METTL24: variants seen among roughly 807,000 people sequenced by gnomAD.
METTL24 encodes methyltransferase like 24.
Under a neutral mutation model 32.7 loss-of-function variants are expected in METTL24, and 29 were observed. The ratio of observed to expected loss-of-function variants is 0.89; its 90% CI spans 0.66 to 1.21. The LOEUF is 1.21. Among genes scored for constraint, METTL24 ranks in the 50% most tolerant of loss-of-function variants. The probability of loss-of-function intolerance (pLI) is 0.00; values close to 1 mark genes in which losing one functional copy is unlikely to be tolerated. For missense variants in METTL24, 439 were observed against 468.1 expected, an observed-to-expected ratio of 0.94 and a Z score of 0.57; for synonymous variants, 163 against 179.5, an observed-to-expected ratio of 0.91 and a Z score of 0.73.
intron 3 of METTL24, among the ~76,000 whole-genome samples, chr6:110,300,582 G>A (rs6932150): frequency 0.019 from 2,846 of 151,982 alleles, 91 homozygotes; most frequent in African/African-American, 0.065. Context: ...CACCATGCCT[G>A]GCTAACTTTT....
chr6:110,267,518 C>G (rs1037965311), intron 4 of METTL24, among the ~76,000 whole-genome samples: 2 of 152,208 alleles, frequency 1.3e-5, no homozygotes, highest in African/African-American at 2.4e-5. Flanking sequence ...AATCGTTCAT[C>G]AGCTCTCACT....
intron 1 of METTL24, among the ~76,000 whole-genome samples, chr6:110,327,357 T>C (rs980251877): frequency 6.6e-6 from 1 of 152,234 alleles, no homozygotes; most frequent in Non-Finnish European, 1.5e-5. Flanking sequence ...GGTGAAACTA[T>C]AGAATGATCT....
In METTL24 at chr6:110,263,865, T is replaced by G. The variant is rs574401621; in HGVS notation, c.787-17605A>C. Among the ~76,000 whole-genome samples, 12 of 152,286 alleles carry G rather than the reference T, an allele frequency of 7.9e-5. No homozygotes were observed. In the East Asian group the frequency reaches 2.3e-3, roughly 29 times the overall value. On this transcript the variant is annotated intron_variant, in intron 4 of 4. Transcript: ENST00000338882. ...TGACAAATCTGACAAAAAGAAGAAA[T>G]GGGGAAAGGATTCCCTATTTAATAA...
At chr6:110,314,819 CG>C (rs1771788215) in intron 3 of METTL24, among the ~76,000 whole-genome samples, 1 of 151,884 alleles carries the variant, frequency 6.6e-6, no homozygotes. Flanking sequence ...AAAAATTAGC[CG>C]GGTGTGGTGG....
chr6:110,264,010 T>A (rs1280969183), intron 4 of METTL24, among the ~76,000 whole-genome samples: 1 of 152,078 alleles, frequency 6.6e-6, no homozygotes, highest in Non-Finnish European at 1.5e-5. Flanking sequence ...CCTAAAACCA[T>A]AAAAACCCTA....
At position 110,245,609 on chromosome 6, in the gene METTL24, AGG is replaced by A. The variant is rs1778140881; in HGVS notation, c.*335_*336del. 6.6e-6 allele frequency among the ~76,000 whole-genome samples: 1 copy of A among 152,268 alleles called. No homozygotes were observed. The highest frequency in any genetic ancestry group is 6.5e-5 in the Admixed American group (1 of 15,284). ...AAAATCTCACCAACCTAGTAAAAAT[AGG>A]AAATTTATATAATTTCATTTCAATG... On this transcript the variant is annotated 3_prime_UTR_variant, in exon 5 of 5. Transcript: ENST00000338882.
intron 3 of METTL24, among the ~76,000 whole-genome samples, chr6:110,310,921 A>G (rs1235858551): frequency 6.6e-6 from 1 of 151,918 alleles, no homozygotes; most frequent in African/African-American, 2.4e-5. Flanking sequence ...AGCTGCATCC[A>G]TTGTCTTCGG....
intron 1 of METTL24, among the ~76,000 whole-genome samples, chr6:110,355,278 G>T (rs2114783804): frequency 6.6e-6 from 1 of 152,274 alleles, no homozygotes; most frequent in South Asian, 2.1e-4. Flanking sequence ...GGTGAAAAGG[G>T]CAGGAGTCAT....
Position 110,246,182 on chromosome 6 carries a change from G to T in METTL24, c.865C>A (p.Gln289Lys), listed in dbSNP as rs1352470270. The part of the protein sequence containing the change: ...ENLILEDVLE[Q>K]IGQLIFEIHL... ...ATCTCAAAGATGAGCTGTCCAATCTGCTCAAGAACATCTTCCAGAATAAGA... is the reference window on the plus strand; with the variant it reads ...ATCTCAAAGATGAGCTGTCCAATCTTCTCAAGAACATCTTCCAGAATAAGA... Residue 289 changes from glutamine to lysine, a missense_variant, in exon 5 of 5, where the codon CAG becomes AAG. Coordinates refer to ENST00000338882, the MANE Select transcript of METTL24 (RefSeq NM_001123364.3). 1 of 1,614,108 alleles carries T rather than the reference G, an allele frequency of 6.2e-7. No individual in the cohort carries two copies. The highest frequency in any genetic ancestry group is 1.3e-5 in the African/African-American group (1 of 75,030).
intron 4 of METTL24, among the ~76,000 whole-genome samples, chr6:110,273,091 G>T (rs983122072): frequency 1.3e-5 from 2 of 151,958 alleles, no homozygotes; most frequent in Non-Finnish European, 2.9e-5. Flanking sequence ...AATTTTTATG[G>T]TTTCAGGTCT....
intron 1 of METTL24, among the ~76,000 whole-genome samples, chr6:110,324,649 A>C (rs974940863): frequency 6.6e-6 from 1 of 152,190 alleles, no homozygotes; most frequent in Non-Finnish European, 1.5e-5. Context: ...ACACCTTCTG[A>C]AAGAACAGCC....
rs1399072968 is a variant in METTL24, at chr6:110,244,980, A to ATCTATCTATCTATCTG, written c.*965_*966insCAGATAGATAGATAGA. ...GTAGGAAAATCTATCTTATCTATCT[A>ATCTATCTATCTATCTG]TCTATCTATCTATCTATCTATCATC... On this transcript the variant is annotated 3_prime_UTR_variant, in exon 5 of 5. Transcript: ENST00000338882. Among the ~76,000 whole-genome samples the ATCTATCTATCTATCTG allele has an allele frequency of 6.6e-6, 1 of 151,792 alleles. No homozygotes were observed. The highest frequency in any genetic ancestry group is 2.4e-5 in the African/African-American group (1 of 41,286).
intron 3 of METTL24, among the ~76,000 whole-genome samples, chr6:110,313,253 A>G (rs1771757659): frequency 1.3e-5 from 2 of 152,268 alleles, no homozygotes; most frequent in African/African-American, 4.8e-5. Context: ...ACACATAGAC[A>G]TGATCAATGC....
At chr6:110,327,401 T>C (rs1199322854) in intron 1 of METTL24, among the ~76,000 whole-genome samples, 2 of 152,224 alleles carry the variant, frequency 1.3e-5, no homozygotes, top group Admixed American at 6.5e-5. Context: ...TCTTGCAACC[T>C]AATATTTTTC....
intron 1 of METTL24, among the ~76,000 whole-genome samples, chr6:110,324,958 C>T (rs537167419): frequency 1.9e-3 from 290 of 152,288 alleles, no homozygotes; most frequent in African/African-American, 6.7e-3. Flanking sequence ...TAGTAAAATG[C>T]TAAAATATTC....
At chr6:110,262,531 C>T (rs1255489001) in intron 4 of METTL24, among the ~76,000 whole-genome samples, 3 of 152,260 alleles carry the variant, frequency 2.0e-5, no homozygotes, top group African/African-American at 7.2e-5. Context: ...CTGAATTCTA[C>T]CAGAGGTACA....
chr6:110,246,310 G>A (rs1344816687), intron 4 of METTL24, 50 bp from the exon 5 acceptor site: 8 of 1,462,112 alleles, frequency 5.5e-6, no homozygotes, highest in Non-Finnish European at 6.5e-6. Context: ...AAACTATCTT[G>A]ATATCAGGAG....
intron 1 of METTL24, among the ~76,000 whole-genome samples, chr6:110,348,042 A>G (rs1360952129): frequency 3.3e-5 from 5 of 152,326 alleles, no homozygotes; most frequent in Non-Finnish European, 7.4e-5. Context: ...TTTACCCACC[A>G]CAAGCACACA....
rs147820387 is a variant in METTL24 at position 110,303,358 on chromosome 6, G to C, written c.558-4208C>G. 6.6e-3 allele frequency among the ~76,000 whole-genome samples: 1,004 copies of C among 152,274 alleles called. 8 individuals carry two copies. Among genetic ancestry groups the C allele is most frequent in the Middle Eastern group, 0.024 (7 of 294 alleles). On this transcript the variant is annotated intron_variant, in intron 3 of 4. Coordinates refer to ENST00000338882, the MANE Select transcript of METTL24 (RefSeq NM_001123364.3). The stretch of plus-strand genomic sequence containing the variant: ...AAAGGGGCTGAAGCCAGGGAGACAA[G>C]TGGTCTTGCTCAGCAGATCCCACCC...
Sources: gnomAD v4.1 joint callset for allele counts (sites outside exome capture counted in the v4.1 genomes callset) on GRCh38, gnomAD v4.1.1 for gene constraint, MANE v1.5 for transcripts, NCBI Gene and HGNC (gene_info 2026-07-23, HGNC 2026-07-21) for gene names.